ZDHHC2: variants seen among roughly 807,000 people sequenced by gnomAD.
The protein encoded by ZDHHC2 is zDHHC palmitoyltransferase 2.
ZDHHC2 carries 51 observed loss-of-function variants against 55.6 expected under a neutral mutation model. That is an observed-to-expected ratio of 0.92 (90% CI 0.73 to 1.16). The LOEUF (loss-of-function observed/expected upper bound fraction) is 1.16. Among genes scored for constraint, ZDHHC2 ranks in the 50% most tolerant of loss-of-function variants. The pLI is 0.00. For missense variants in ZDHHC2, 491 were observed against 442.4 expected, an observed-to-expected ratio of 1.11 and a Z score of -0.99; for synonymous variants, 199 against 152.9, an observed-to-expected ratio of 1.30 and a Z score of -2.22.
intron 10 of ZDHHC2, among the ~76,000 whole-genome samples, chr8:17,213,074 A>ATG (rs1415842590): frequency 6.6e-6 from 1 of 151,946 alleles, no homozygotes; most frequent in African/African-American, 2.4e-5. Flanking sequence ...CATGTTCCTT[A>ATG]TGTAGTGCCT....
intron 6 of ZDHHC2, among the ~76,000 whole-genome samples, chr8:17,205,063 C>G (rs538694992): frequency 1.3e-5 from 2 of 152,268 alleles, no homozygotes; most frequent in Admixed American, 1.3e-4. Flanking sequence ...AAATGAAATT[C>G]TAATCGATGA....
intron 7 of ZDHHC2, among the ~76,000 whole-genome samples, chr8:17,207,451 G>T (rs886397494): frequency 6.6e-6 from 1 of 152,114 alleles, no homozygotes; most frequent in African/African-American, 2.4e-5. Flanking sequence ...AAGCATTATT[G>T]TGAATGTGTT....
intron 3 of ZDHHC2, among the ~76,000 whole-genome samples, chr8:17,189,119 TTTG>T (rs1805887753): frequency 7.4e-6 from 1 of 135,642 alleles, no homozygotes; most frequent in Non-Finnish European, 1.6e-5. Context: ...TTTTTGGTGT[TTTG>T]TTATGTTTTT....
chr8:17,185,054 A>C (rs1167115457), intron 2 of ZDHHC2, among the ~76,000 whole-genome samples: 1 of 152,304 alleles, frequency 6.6e-6, no homozygotes, highest in African/African-American at 2.4e-5. Flanking sequence ...AGGTATAGGG[A>C]TATCAACAAT....
At chr8:17,177,738 C>G (rs917614753) in intron 1 of ZDHHC2, among the ~76,000 whole-genome samples, 1 of 145,894 alleles carries the variant, frequency 6.9e-6, no homozygotes, top group Non-Finnish European at 1.5e-5. Context: ...GACCAAGTCT[C>G]TGTTTTGGGG....
intron 4 of ZDHHC2, among the ~76,000 whole-genome samples, 190 bp from the exon 5 acceptor site, chr8:17,197,392 C>G (rs897840729): frequency 6.6e-6 from 1 of 152,178 alleles, no homozygotes; most frequent in Non-Finnish European, 1.5e-5. Flanking sequence ...GGTTAAACCT[C>G]CAGAGAACTG....
chr8:17,172,983 A>T (rs188230548), intron 1 of ZDHHC2, among the ~76,000 whole-genome samples: 2 of 152,288 alleles, frequency 1.3e-5, no homozygotes, highest in Admixed American at 1.3e-4. Context: ...AAAGTTTGTA[A>T]AATTATGTTT....
At chr8:17,177,845 A>G (rs1805226196) in intron 1 of ZDHHC2, among the ~76,000 whole-genome samples, 1 of 152,048 alleles carries the variant, frequency 6.6e-6, no homozygotes, top group African/African-American at 2.4e-5. Context: ...GAAATTGCAT[A>G]GTGGTTTTAT....
chr8:17,167,303 AC>A lies in ZDHHC2; in HGVS notation c.130+10451del, dbSNP rs149500764. 8.9e-4 allele frequency among the ~76,000 whole-genome samples: 115 copies of A among 129,698 alleles called. No homozygotes were observed. The East Asian group carries it at 0.02, about 22-fold the overall frequency. The allele number at this position is 129,698 out of a possible 152,430, so 85.1% of individuals were successfully genotyped here. On this transcript the variant is annotated intron_variant, in intron 1 of 12. Transcript: ENST00000262096. ...CAAGCTGGTAATACTTTTTTTTTTA[AC>A]TTTTTTTTTTTTTTTTTTTTTGAGA...
chr8:17,178,759 C>G (rs1488232322), intron 1 of ZDHHC2, among the ~76,000 whole-genome samples: 4 of 152,132 alleles, frequency 2.6e-5, no homozygotes, highest in African/African-American at 9.7e-5. Context: ...GTTTGTCATC[C>G]TTTTCTATAT....
intron 3 of ZDHHC2, among the ~76,000 whole-genome samples, chr8:17,192,035 G>T (rs1411640684): frequency 6.6e-6 from 1 of 152,158 alleles, no homozygotes; most frequent in African/African-American, 2.4e-5. Flanking sequence ...CCAGGCTGGT[G>T]TGCAGTGCTG....
At chr8:17,219,252 TAAA>T (rs71212684) in intron 12 of ZDHHC2, among the ~76,000 whole-genome samples, 64 of 49,564 alleles carry the variant, frequency 1.3e-3, no homozygotes, top group East Asian at 3.6e-3. Context: ...AGCAAGACTC[TAAA>T]AAAAAAAAAA....
At chr8:17,183,734 C>G (rs1268565830) in intron 1 of ZDHHC2, among the ~76,000 whole-genome samples, 1 of 152,104 alleles carries the variant, frequency 6.6e-6, no homozygotes, top group Non-Finnish European at 1.5e-5. Flanking sequence ...AGGTAAAAGT[C>G]ACAAAGCAGC....
chr8:17,172,302 A>T (rs1477941898), intron 1 of ZDHHC2, among the ~76,000 whole-genome samples: 1 of 152,226 alleles, frequency 6.6e-6, no homozygotes, highest in South Asian at 2.1e-4. Flanking sequence ...CGCCGGCTAA[A>T]TATACGGACT....
chr8:17,172,698 C>G (rs1384562509), intron 1 of ZDHHC2, among the ~76,000 whole-genome samples: 1 of 152,186 alleles, frequency 6.6e-6, no homozygotes, highest in East Asian at 1.9e-4. Flanking sequence ...CATATTCTGT[C>G]TCTCTTAATG....
rs535485195 is a variant in ZDHHC2 at position 17,193,763 on chromosome 8, G to C, written c.253-1741G>C. ...TTTTAAATGTAATAGTCCATCAGTG[G>C]CTTATTAGCATTTTTTTTATTATAC... On this transcript the variant is annotated intron_variant, in intron 3 of 12. Transcript: ENST00000262096. Among the ~76,000 whole-genome samples, 12 of 149,302 alleles carry C rather than the reference G, an allele frequency of 8.0e-5. No individual in the cohort carries two copies. The South Asian group carries it at 2.3e-3, about 29-fold the overall frequency.
chr8:17,185,292 A>G (rs1466670178), intron 2 of ZDHHC2, among the ~76,000 whole-genome samples: 1 of 152,226 alleles, frequency 6.6e-6, no homozygotes, highest in Non-Finnish European at 1.5e-5. Context: ...ATTCAATGAT[A>G]TCTTACAGAA....
At chr8:17,190,095 C>T (rs1805941344) in intron 3 of ZDHHC2, among the ~76,000 whole-genome samples, 1 of 151,896 alleles carries the variant, frequency 6.6e-6, no homozygotes, top group African/African-American at 2.4e-5. Flanking sequence ...ACGTATTATT[C>T]ATTTAATATT....
intron 3 of ZDHHC2, among the ~76,000 whole-genome samples, chr8:17,193,661 A>G (rs1202185849): frequency 6.6e-6 from 1 of 152,240 alleles, no homozygotes; most frequent in Non-Finnish European, 1.5e-5. Flanking sequence ...GGGTTCAGAG[A>G]TGCCATCACA....
Sources: gnomAD v4.1 joint callset for allele counts (sites outside exome capture counted in the v4.1 genomes callset) on GRCh38, gnomAD v4.1.1 for gene constraint, MANE v1.5 for transcripts, NCBI Gene and HGNC (gene_info 2026-07-23, HGNC 2026-07-21) for gene names.